Variants in DYNC2H1 observed in about 807,000 individuals in gnomAD.
DYNC2H1 encodes the protein dynein cytoplasmic 2 heavy chain 1, also known as cytoplasmic dynein 2 heavy chain 1.
Under a neutral mutation model 570.0 loss-of-function variants are expected in DYNC2H1, and 410 were observed. The ratio of observed to expected loss-of-function variants is 0.72; its 90% CI spans 0.66 to 0.78. DYNC2H1 has a LOEUF of 0.78. Ranked by LOEUF, DYNC2H1 falls within the 30% of genes least tolerant of loss-of-function variation. DYNC2H1 has a pLI of 0.00. For missense variants in DYNC2H1, 4,865 were observed against 5,046.4 expected (o/e 0.96, Z 1.09); for synonymous variants, 1,688 against 1,677.6 (o/e 1.01, Z -0.15).
chr11:103,143,315 G>C lies in DYNC2H1; in HGVS notation c.2622G>C (p.Lys874Asn), dbSNP rs780692171. 2 of 1,613,478 alleles carry C rather than the reference G, an allele frequency of 1.2e-6. No individual in the cohort carries two copies. Among genetic ancestry groups the C allele is most frequent in the South Asian group, 1.1e-5 (1 of 90,988 alleles). ...GQVDMEALVE[K>N]HLFTVHDWEK... ...TTGATATGGAAGCTCTGGTGGAAAA[G>C]CATCTTTTTACTGTACATGATTGGG... Residue 874 changes from lysine (K) to asparagine (N), a missense_variant, in exon 18 of 89, where the codon AAG (lysine) becomes AAC (asparagine). Lys to Asn is a moderately conservative substitution (Grantham distance 94). This residue lies in a region of DYNC2H1 where 1,936 missense variants were observed against 1,962.1 expected (regional missense o/e 0.99). Transcript: ENST00000375735.
chr11:103,143,006 A>G (rs1407132131), intron 17 of DYNC2H1, among the ~76,000 whole-genome samples: 1 of 152,180 alleles, frequency 6.6e-6, no homozygotes, highest in Non-Finnish European at 1.5e-5. Context: ...GAAGTTTTGT[A>G]TTATTTAATT....
In DYNC2H1 at chr11:103,154,756, G is replaced by A. The variant is rs1323131238; in HGVS notation, c.3520G>A (p.Glu1174Lys). 2 of 1,569,802 alleles carry A rather than the reference G, an allele frequency of 1.3e-6. No individual in the cohort carries two copies. The highest frequency in any genetic ancestry group is 1.7e-6 in the Non-Finnish European group (2 of 1,156,842). Reference sequence around the variant, plus strand: ...CTGGCATGACAGATTAAGGAAGGTTGAAGAACATTCAGTGATGACAGTGAA... The same window carrying A: ...CTGGCATGACAGATTAAGGAAGGTTAAAGAACATTCAGTGATGACAGTGAA... ...MNWHDRLRKV[E>K]EHSVMTVKLQ... is the part of the protein sequence containing the mutation. Residue 1174 changes from glutamate (E) to lysine (K), a missense_variant, in exon 24 of 89, where the codon GAA (glutamate) becomes AAA (lysine). Transcript: ENST00000375735.
At chr11:103,347,850 G>A (rs372184080) in intron 82 of DYNC2H1, among the ~76,000 whole-genome samples, 2 of 152,040 alleles carry the variant, frequency 1.3e-5, no homozygotes, top group East Asian at 3.9e-4. Context: ...CTCACAGTTA[G>A]AGAACAGTCA....
intron 82 of DYNC2H1, among the ~76,000 whole-genome samples, 187 bp from the exon 83 acceptor site, chr11:103,358,056 T>C (rs1475279853): frequency 1.3e-5 from 2 of 152,248 alleles, no homozygotes; most frequent in Non-Finnish European, 2.9e-5. Context: ...TTTTGTTTTT[T>C]AAACTGCTTA....
intron 17 of DYNC2H1, among the ~76,000 whole-genome samples, chr11:103,142,218 T>A (rs1859984648): frequency 6.6e-6 from 1 of 152,236 alleles, no homozygotes; most frequent in Non-Finnish European, 1.5e-5. Context: ...GCACCCACTG[T>A]CCTGTGCCCA....
At chr11:103,116,189 C>G (rs575979348) in intron 4 of DYNC2H1, among the ~76,000 whole-genome samples, 57 of 152,060 alleles carry the variant, frequency 3.7e-4, no homozygotes, top group African/African-American at 1.4e-3. Flanking sequence ...TTGTGTTATT[C>G]TTAAACATAA....
rs765313890 is a variant in DYNC2H1, at chr11:103,479,286, AG to A, written c.*36del. 1 of 1,591,038 alleles carries A rather than the reference AG, an allele frequency of 6.3e-7. No homozygotes were observed. On this transcript the variant is annotated 3_prime_UTR_variant, in exon 89 of 89. Transcript: ENST00000375735. ...TGACAACAAAAGCCATCTTCACAAAAGGGAACATTGATTCTTTAAGCTTTAA... is the reference window on the plus strand; with the variant it reads ...TGACAACAAAAGCCATCTTCACAAAAGGAACATTGATTCTTTAAGCTTTAA...
rs558321909 is a variant in DYNC2H1 at position 103,263,785 on chromosome 11, C to A, written c.10695+3808C>A. Among the ~76,000 whole-genome samples the A allele has an allele frequency of 4.6e-5, 7 of 152,098 alleles. No individual in the cohort carries two copies. In the South Asian group the frequency reaches 1.5e-3, roughly 32 times the overall value. ...GAAAGATCTAAAATCAACCCCCTAA[C>A]ATCACAATTAAAAGAACTAGAGAAG... On this transcript the variant is annotated intron_variant, in intron 70 of 88. Coordinates refer to ENST00000375735, the MANE Select transcript of DYNC2H1 (RefSeq NM_001377.3).
At chr11:103,380,741 T>G (rs1025612989) in intron 83 of DYNC2H1, among the ~76,000 whole-genome samples, 1 of 152,142 alleles carries the variant, frequency 6.6e-6, no homozygotes, top group African/African-American at 2.4e-5. Flanking sequence ...TTTGTATTTT[T>G]GGTAGAGATG....
chr11:103,261,303 T>C lies in DYNC2H1; in HGVS notation c.10695+1326T>C, dbSNP rs915964044. ...GACTTAAACATTCCCACCTGCTGGC[T>C]CTGAAGAGAGCATCGGATCTCCAAC... On this transcript the variant is annotated intron_variant, in intron 70 of 88. Coordinates refer to ENST00000375735, the MANE Select transcript of DYNC2H1 (RefSeq NM_001377.3). The surrounding 1 kb of genome is among the most constrained non-coding windows in gnomAD (Gnocchi z 4.8). 1.3e-5 allele frequency among the ~76,000 whole-genome samples: 2 copies of C among 152,202 alleles called. No homozygotes were observed. The highest frequency in any genetic ancestry group is 1.5e-5 in the Non-Finnish European group (1 of 68,042).
At chr11:103,373,065 C>T in intron 83 of DYNC2H1, among the ~76,000 whole-genome samples, 1 of 151,982 alleles carries the variant, frequency 6.6e-6, no homozygotes, top group Non-Finnish European at 1.5e-5. Context: ...TGCCTCAGCC[C>T]CCCAAGTAGC....
intron 47 of DYNC2H1, among the ~76,000 whole-genome samples, chr11:103,195,650 G>A (rs1862484610): frequency 6.6e-6 from 1 of 152,100 alleles, no homozygotes; most frequent in East Asian, 1.9e-4. Context: ...ATAGATTTTA[G>A]AATAATCGTT....
At chr11:103,391,472 T>G (rs188885363) in intron 83 of DYNC2H1, among the ~76,000 whole-genome samples, 1 of 151,970 alleles carries the variant, frequency 6.6e-6, no homozygotes, top group Non-Finnish European at 1.5e-5. Context: ...GAAGTTTGAT[T>G]GTTTGAAGCC....
At position 103,133,735 on chromosome 11, in the gene DYNC2H1, G is replaced by A. The variant is rs1280011943; in HGVS notation, c.2106+28G>A. 6 of 1,526,272 alleles carry A rather than the reference G, an allele frequency of 3.9e-6. No individual in the cohort carries two copies. Among genetic ancestry groups the A allele is most frequent in the Middle Eastern group, 1.7e-4 (1 of 5,908 alleles). 94.5% of individuals were successfully genotyped at this position (1,526,272 alleles called of 1,614,324 possible). The stretch of plus-strand genomic sequence containing the variant: ...ATATTTTGTTTATAAAATTGAATAA[G>A]CTATGAATGATATTATTTAAAAAGT... On this transcript the variant is annotated intron_variant, in intron 14 of 88. Transcript: ENST00000375735. The surrounding 1 kb of genome is among the most constrained non-coding windows in gnomAD (Gnocchi z 4.8).
intron 82 of DYNC2H1, among the ~76,000 whole-genome samples, chr11:103,331,169 A>G (rs1938767954): frequency 6.6e-6 from 1 of 152,232 alleles, no homozygotes. Flanking sequence ...GAATTCAGCT[A>G]GAATTCTTAA....
chr11:103,198,125 A>C, intron 48 of DYNC2H1, 62 bp downstream of exon 48: 1 of 1,492,990 alleles, frequency 6.7e-7, no homozygotes, highest in Non-Finnish European at 9.1e-7. Flanking sequence ...AAAAATATTT[A>C]TTGTAAATAT....
At chr11:103,354,201 A>C (rs1317543992) in intron 82 of DYNC2H1, among the ~76,000 whole-genome samples, 1 of 150,676 alleles carries the variant, frequency 6.6e-6, no homozygotes, top group Non-Finnish European at 1.5e-5. Flanking sequence ...AAAAAAAAAA[A>C]ATCTCCTGTT....
At chr11:103,231,983 A>G (rs1390164999) in intron 60 of DYNC2H1, among the ~76,000 whole-genome samples, 1 of 152,006 alleles carries the variant, frequency 6.6e-6, no homozygotes, top group Non-Finnish European at 1.5e-5. Context: ...CCCCAAACCA[A>G]TAAACCCAGT....
At chr11:103,221,016 G>C (rs1338026700) in intron 57 of DYNC2H1, among the ~76,000 whole-genome samples, 1 of 152,046 alleles carries the variant, frequency 6.6e-6, no homozygotes, top group Non-Finnish European at 1.5e-5. Flanking sequence ...GAATACCTTA[G>C]AATGTTTAAG....
Sources: gnomAD v4.1 joint callset for allele counts (sites outside exome capture counted in the v4.1 genomes callset) on GRCh38, gnomAD v4.1.1 for gene constraint, gnomAD v4.1.1 regional missense constraint, Gnocchi (gnomAD v3.1) non-coding constraint, MANE v1.5 for transcripts, NCBI Gene and HGNC (gene_info 2026-07-23, HGNC 2026-07-21) for gene names.